The following GADL1 variants were observed in gnomAD, a reference collection of about 807,000 sequenced individuals.
GADL1 encodes acidic amino acid decarboxylase GADL1.
A neutral mutation model predicts 69.5 loss-of-function variants in GADL1; 71 were observed. The ratio of observed to expected loss-of-function variants is 1.02; its 90% confidence interval spans 0.84 to 1.25. The LOEUF is 1.25. Among genes scored for constraint, GADL1 ranks in the 50% most tolerant of loss-of-function variants. The pLI, the probability that GADL1 is intolerant of heterozygous loss-of-function variation, is 0.00. For synonymous variants in GADL1, 254 were observed against 214.4 expected, an observed-to-expected ratio of 1.18 and a Z score of -1.62; for missense variants, 737 against 631.8, an observed-to-expected ratio of 1.17 and a Z score of -1.79.
intron 11 of GADL1, among the ~76,000 whole-genome samples, chr3:30,816,823 G>A (rs143661132): frequency 9.9e-4 from 151 of 152,080 alleles, no homozygotes; most frequent in Non-Finnish European, 6.5e-4. Flanking sequence ...TGGGATTATA[G>A]GCATGAGCTA....
chr3:30,742,016 T>C (rs1176129689), intron 14 of GADL1, among the ~76,000 whole-genome samples: 2 of 152,182 alleles, frequency 1.3e-5, no homozygotes, highest in Non-Finnish European at 2.9e-5. Flanking sequence ...GGTGCTCTGA[T>C]TGACAGCTCC....
chr3:30,873,434 C>T (rs1391584409), intron 1 of GADL1, among the ~76,000 whole-genome samples: 2 of 151,904 alleles, frequency 1.3e-5, no homozygotes, highest in African/African-American at 4.8e-5. Flanking sequence ...GAATTCAAAG[C>T]CAGGCAGCCT....
At chr3:30,867,149 T>C (rs1455092040) in intron 1 of GADL1, among the ~76,000 whole-genome samples, 1 of 151,902 alleles carries the variant, frequency 6.6e-6, no homozygotes, top group Non-Finnish European at 1.5e-5. Flanking sequence ...GGAAAATTAA[T>C]GAAGATTCAG....
intron 14 of GADL1, among the ~76,000 whole-genome samples, chr3:30,759,202 T>TA (rs1346542856): frequency 6.6e-6 from 1 of 152,208 alleles, no homozygotes; most frequent in Non-Finnish European, 1.5e-5. Flanking sequence ...AGCCCAGTTC[T>TA]AGGGTAGGAC....
rs370810304 is a variant in GADL1 at position 30,882,843 on chromosome 3, G to GT, written c.37+11734dup. Among the ~76,000 whole-genome samples the GT allele has an allele frequency of 9.0e-3, 1,322 of 146,954 alleles. 11 individuals carry two copies. Among genetic ancestry groups the GT allele is most frequent in the South Asian group, 0.017 (79 of 4,602 alleles). ...AGCACTTGTTATTTTCAGGTGGTTG[G>GT]TTTTTTTTTTATAGTAGCCATCTTA... On this transcript the variant is annotated intron_variant, in intron 1 of 14. Coordinates refer to ENST00000282538, the MANE Select transcript of GADL1 (RefSeq NM_207359.3).
chr3:30,819,214 CTTA>C (rs1559508449), intron 11 of GADL1, among the ~76,000 whole-genome samples: 22 of 141,334 alleles, frequency 1.6e-4, no homozygotes, highest in Admixed American at 1.3e-3. Context: ...TACACTTATA[CTTA>C]AGAATTGCTT....
At chr3:30,789,067 A>G (rs1365037537) in intron 12 of GADL1, among the ~76,000 whole-genome samples, 2 of 152,196 alleles carry the variant, frequency 1.3e-5, no homozygotes, top group Non-Finnish European at 2.9e-5. Flanking sequence ...TAAACCCATA[A>G]AATTTTCAAT....
intron 12 of GADL1, among the ~76,000 whole-genome samples, chr3:30,793,519 ACT>A (rs373563409): frequency 2.8e-4 from 43 of 152,122 alleles, no homozygotes; most frequent in African/African-American, 1.0e-3. Flanking sequence ...ACTTCATGAA[ACT>A]CTTTGTCCTT....
At chr3:30,791,855 C>T (rs13087758) in intron 12 of GADL1, among the ~76,000 whole-genome samples, 29,226 of 152,014 alleles carry the variant, frequency 0.19, 3,298 homozygotes, top group Non-Finnish European at 0.25. Flanking sequence ...ATAAGTCTCT[C>T]AGGATCTGAT....
chr3:30,776,545 T>G (rs2125495147), intron 14 of GADL1, among the ~76,000 whole-genome samples: 1 of 152,334 alleles, frequency 6.6e-6, no homozygotes, highest in East Asian at 1.9e-4. Context: ...ACACCATCCA[T>G]CTCTCCACAT....
intron 14 of GADL1, among the ~76,000 whole-genome samples, chr3:30,764,123 T>C (rs981735063): frequency 1.3e-5 from 2 of 151,542 alleles, no homozygotes; most frequent in African/African-American, 2.4e-5. Flanking sequence ...TATATACTTA[T>C]GTTTATTAAA....
chr3:30,798,833 A>G (rs1385659316), intron 12 of GADL1: 1 of 152,186 alleles, frequency 6.6e-6, no homozygotes, highest in Non-Finnish European at 1.5e-5. Context: ...GCCATTCCAA[A>G]TGGGAGAAAT....
chr3:30,887,207 C>T (rs1471001959), intron 1 of GADL1, among the ~76,000 whole-genome samples: 1 of 152,134 alleles, frequency 6.6e-6, no homozygotes, highest in African/African-American at 2.4e-5. Flanking sequence ...AAGGAGGACA[C>T]ACTAGGGTTG....
chr3:30,862,508 G>T (rs1291222239), intron 1 of GADL1, among the ~76,000 whole-genome samples: 1 of 151,984 alleles, frequency 6.6e-6, no homozygotes, highest in South Asian at 2.1e-4. Context: ...CTTGTACAAA[G>T]TCCTTTAGCA....
intron 14 of GADL1, among the ~76,000 whole-genome samples, chr3:30,753,789 T>C (rs1006370685): frequency 2.0e-5 from 3 of 152,204 alleles, no homozygotes; most frequent in Admixed American, 6.6e-5. Context: ...CTATGCAAGA[T>C]TTATCTAATT....
At chr3:30,780,958 A>C (rs1696652473) in intron 13 of GADL1, among the ~76,000 whole-genome samples, 1 of 152,110 alleles carries the variant, frequency 6.6e-6, no homozygotes, top group Non-Finnish European at 1.5e-5. Context: ...CATAATTCTT[A>C]AAGAGACTTC....
chr3:30,879,107 T>C (rs1302087589), intron 1 of GADL1, among the ~76,000 whole-genome samples: 2 of 151,858 alleles, frequency 1.3e-5, no homozygotes, highest in Admixed American at 1.3e-4. Context: ...CCTTTGTCCC[T>C]GGGCAATCTC....
At chr3:30,778,402 A>T in intron 13 of GADL1, 134 bp from the exon 14 acceptor site, 1 of 620,758 alleles carries the variant, frequency 1.6e-6, no homozygotes, top group Non-Finnish European at 2.9e-6. Context: ...AATCTTATAG[A>T]GTAACAATCC....
At chr3:30,870,395 C>T (rs1251049814) in intron 1 of GADL1, among the ~76,000 whole-genome samples, 1 of 151,616 alleles carries the variant, frequency 6.6e-6, no homozygotes, top group Non-Finnish European at 1.5e-5. Flanking sequence ...AAGCTGGCTT[C>T]TTTAAGAAAT....
Sources: gnomAD v4.1 joint callset for allele counts (sites outside exome capture counted in the v4.1 genomes callset) on GRCh38, gnomAD v4.1.1 for gene constraint, MANE v1.5 for transcripts, NCBI Gene and HGNC (gene_info 2026-07-23, HGNC 2026-07-21) for gene names.